The following CHMP4C variants were observed in gnomAD, a reference collection of about 807,000 sequenced individuals.
The protein encoded by CHMP4C is charged multivesicular body protein 4C.
Under a neutral mutation model 29.0 loss-of-function variants are expected in CHMP4C, and 28 were observed. The observed-to-expected ratio is 0.97, with a 90% CI of 0.72 to 1.32. CHMP4C has a LOEUF of 1.32. Ranked by LOEUF, CHMP4C falls within the 40% of genes most tolerant of loss-of-function variation. The probability of loss-of-function intolerance (pLI) is 0.00; values close to 1 mark genes in which losing one functional copy is unlikely to be tolerated. For missense variants in CHMP4C, 291 were observed against 281.0 expected, an observed-to-expected ratio of 1.04 and a Z score of -0.25; for synonymous variants, 106 against 102.4, an observed-to-expected ratio of 1.04 and a Z score of -0.21.
Position 81,749,852 on chromosome 8 carries a change from G to A in CHMP4C, c.191-3212G>A, listed in dbSNP as rs10113683. 3.3e-5 allele frequency among the ~76,000 whole-genome samples: 5 copies of A among 152,284 alleles called. No individual in the cohort carries two copies. The East Asian group carries it at 5.8e-4, about 18-fold the overall frequency. Reference sequence around the variant, plus strand: ...TGAGTTGGTCTCAGATGGAGATGAGGAACTTGTTGGATATTGGAGTAAAGG... The same window carrying A: ...TGAGTTGGTCTCAGATGGAGATGAGAAACTTGTTGGATATTGGAGTAAAGG... On this transcript the variant is annotated intron_variant, in intron 1 of 4. Coordinates refer to ENST00000297265, the MANE Select transcript of CHMP4C (RefSeq NM_152284.4).
intron 3 of CHMP4C, 108 bp downstream of exon 3, chr8:81,755,592 T>C: frequency 1.7e-6 from 1 of 584,974 alleles, no homozygotes; most frequent in South Asian, 2.7e-5. Context: ...AAGTGATATT[T>C]GTAAGAAAGG....
At chr8:81,748,611 T>A (rs1430718949) in intron 1 of CHMP4C, among the ~76,000 whole-genome samples, 1 of 152,060 alleles carries the variant, frequency 6.6e-6, no homozygotes, top group Non-Finnish European at 1.5e-5. Flanking sequence ...AACAAATAGG[T>A]AATTTGTTAT....
chr8:81,757,279 C>T (rs182408896), intron 3 of CHMP4C, among the ~76,000 whole-genome samples: 29 of 152,274 alleles, frequency 1.9e-4, no homozygotes, highest in Non-Finnish European at 4.4e-5. Flanking sequence ...TGAATTCTCT[C>T]ATTCGTTATT....
Position 81,732,733 on chromosome 8 carries a change from T to G in CHMP4C, c.107T>G (p.Leu36Arg). The G allele has an allele frequency of 1.2e-6, 2 of 1,607,332 alleles. No individual in the cohort carries two copies. The highest frequency in any genetic ancestry group is 1.7e-6 in the Non-Finnish European group (2 of 1,176,942). Residue 36 changes from leucine (L) to arginine (R), a missense_variant, in exon 1 of 5, where the codon CTG becomes CGG. Transcript: ENST00000297265. ...CGACTTCGGGAGACTGAGGAGATGC[T>G]GGGCAAGAAACAAGAGTACCTGGAA... The part of the protein sequence containing the change: ...LVRLRETEEM[L>R]GKKQEYLENR...
At position 81,750,841 on chromosome 8, in the gene CHMP4C, C is replaced by T. The variant is rs10089489; in HGVS notation, c.191-2223C>T. ...TGAGGGAAGATTTGAGCCTTCAGAC[C>T]GAAAATACTCACCGAATGCTCAGTT... On this transcript the variant is annotated intron_variant, in intron 1 of 4. Coordinates refer to ENST00000297265, the MANE Select transcript of CHMP4C (RefSeq NM_152284.4). Among the ~76,000 whole-genome samples the T allele has an allele frequency of 9.7e-3, 1,470 of 151,342 alleles. 23 individuals carry two copies. Among genetic ancestry groups the T allele is most frequent in the African/African-American group, 0.034 (1,388 of 41,274 alleles).
Position 81,732,467 on chromosome 8 carries a change from G to A in CHMP4C, c.-160G>A, listed in dbSNP as rs1036767280. The A allele has an allele frequency of 1.2e-5, 6 of 506,962 alleles. No individual in the cohort carries two copies. The highest frequency in any genetic ancestry group is 1.8e-5 in the Non-Finnish European group (5 of 285,546). The allele number at this position is 506,962 out of a possible 1,614,324, so 31.4% of individuals were successfully genotyped here. ...ACTGGCAGCCAGGAAATGCCCTGGA[G>A]TGTGTGTCACCTGTCCAGGACGACT... is the stretch of plus-strand genomic sequence containing the variant. On this transcript the variant is annotated 5_prime_UTR_variant, in exon 1 of 5. In the 5' UTR this introduces an upstream ATG that the reference lacks. Transcript: ENST00000297265.
chr8:81,732,659 C>A lies in CHMP4C; in HGVS notation c.33C>A (p.Gly11=), dbSNP rs1808632818. The A allele has an allele frequency of 1.3e-6, 2 of 1,562,652 alleles. No homozygotes were observed. Among genetic ancestry groups the A allele is most frequent in the Non-Finnish European group, 1.7e-6 (2 of 1,153,918 alleles). The part of the protein sequence containing the change: MSKLGKFFKG[G]GSSKSRAAPS... Reference sequence around the variant, plus strand: ...AGTTGGGCAAGTTCTTTAAAGGGGGCGGCTCTTCTAAGAGCCGAGCCGCTC... The same window carrying A: ...AGTTGGGCAAGTTCTTTAAAGGGGGAGGCTCTTCTAAGAGCCGAGCCGCTC... Residue 11 remains glycine, a synonymous_variant, in exon 1 of 5, where the codon GGC becomes GGA. Transcript: ENST00000297265.
At chr8:81,749,392 G>T (rs923752834) in intron 1 of CHMP4C, among the ~76,000 whole-genome samples, 2 of 152,158 alleles carry the variant, frequency 1.3e-5, no homozygotes, top group African/African-American at 4.8e-5. Context: ...CTCCATAAAT[G>T]TTAGTTTTTG....
chr8:81,750,203 C>T (rs1034824855), intron 1 of CHMP4C, among the ~76,000 whole-genome samples: 3 of 151,970 alleles, frequency 2.0e-5, no homozygotes, highest in Non-Finnish European at 4.4e-5. Flanking sequence ...AAGTTAGAAA[C>T]ATAATCTTTT....
rs551163670 is a variant in CHMP4C, at chr8:81,741,587, G to A, written c.190+8771G>A. 1.3e-3 allele frequency among the ~76,000 whole-genome samples: 197 copies of A among 152,198 alleles called. 1 individual carries two copies. Among genetic ancestry groups the A allele is most frequent in the African/African-American group, 4.6e-3 (189 of 41,516 alleles). On this transcript the variant is annotated intron_variant, in intron 1 of 4. Transcript: ENST00000297265. ...AATACTCAGTTAAAAAAATTATAAG[G>A]TTTGGCTTTGGGGGTCAGCTTTGGA... is the stretch of plus-strand genomic sequence containing the variant.
intron 1 of CHMP4C, 113 bp downstream of exon 1, chr8:81,732,929 C>T: frequency 1.0e-6 from 1 of 964,592 alleles, no homozygotes; most frequent in Non-Finnish European, 1.5e-6. Flanking sequence ...CTCCTGCAGT[C>T]TTTTCTAGGA....
In CHMP4C at chr8:81,753,156, G is replaced by A; in HGVS notation, c.283G>A (p.Ala95Thr). The A allele has an allele frequency of 6.2e-7, 1 of 1,612,354 alleles. No individual in the cohort carries two copies. The highest frequency in any genetic ancestry group is 1.3e-5 in the African/African-American group (1 of 74,964). ...TTCTACCATTGAGTTCCAGAGAGAA[G>A]CCCTGGAGAACTCACACACCAACAC... ...TLSTIEFQRE[A>T]LENSHTNTEV... Residue 95 changes from alanine (A) to threonine (T), a missense_variant, in exon 2 of 5, where the codon GCC becomes ACC. By Grantham distance (58) the Ala-to-Thr change is moderately conservative. Transcript: ENST00000297265.
At chr8:81,753,281 C>T (rs747969697) in intron 2 of CHMP4C, 40 bp downstream of exon 2, 6 of 1,509,376 alleles carry the variant, frequency 4.0e-6, no homozygotes, top group Non-Finnish European at 5.4e-6. Flanking sequence ...TAAATTCCCT[C>T]AGTGTTGGGA....
In CHMP4C at chr8:81,742,483, T is replaced by C. The variant is rs546861696; in HGVS notation, c.190+9667T>C. 2.0e-5 allele frequency among the ~76,000 whole-genome samples: 3 copies of C among 152,374 alleles called. No homozygotes were observed. In the East Asian group the frequency reaches 5.8e-4, roughly 29 times the overall value. ...TGTATGTTTAACCTAGATGGAAATT[T>C]AGAGGAGTAAAATTATGCAACTAAA... On this transcript the variant is annotated intron_variant, in intron 1 of 4. Coordinates refer to ENST00000297265, the MANE Select transcript of CHMP4C (RefSeq NM_152284.4).
chr8:81,753,159 C>A lies in CHMP4C; in HGVS notation c.286C>A (p.Leu96Met). The change falls in exon 2 of 5, where the codon CTG (leucine) becomes ATG (methionine). Residue 96 changes from leucine to methionine, a missense_variant. Transcript: ENST00000297265. The stretch of plus-strand genomic sequence containing the variant: ...TACCATTGAGTTCCAGAGAGAAGCC[C>A]TGGAGAACTCACACACCAACACTGA... ...LSTIEFQREALENSHTNTEVL... is the reference protein window; with the variant it reads ...LSTIEFQREAMENSHTNTEVL... The A allele has an allele frequency of 1.2e-6, 2 of 1,612,654 alleles. No individual in the cohort carries two copies. The highest frequency in any genetic ancestry group is 1.7e-6 in the Non-Finnish European group (2 of 1,179,140).
chr8:81,752,585 T>A (rs1467150930), intron 1 of CHMP4C, among the ~76,000 whole-genome samples: 1 of 152,134 alleles, frequency 6.6e-6, no homozygotes, highest in Non-Finnish European at 1.5e-5. Context: ...TATTCTGAGT[T>A]CTTATTGCAG....
chr8:81,734,381 A>T (rs55882328), intron 1 of CHMP4C, among the ~76,000 whole-genome samples: 1 of 152,104 alleles, frequency 6.6e-6, no homozygotes, highest in Non-Finnish European at 1.5e-5. Flanking sequence ...CCCAGGCTGG[A>T]GTGCAATGGC....
intron 1 of CHMP4C, among the ~76,000 whole-genome samples, chr8:81,734,471 CAGG>C (rs1808660073): frequency 7.2e-6 from 1 of 139,264 alleles, no homozygotes; most frequent in Non-Finnish European, 1.6e-5. Flanking sequence ...GCTGGGATTA[CAGG>C]CATGTGCCAC....
At chr8:81,755,210 T>A (rs558064006) in intron 2 of CHMP4C, among the ~76,000 whole-genome samples, 160 bp from the exon 3 acceptor site, 10 of 152,286 alleles carry the variant, frequency 6.6e-5, no homozygotes, top group Non-Finnish European at 1.5e-4. Context: ...TTTTAAAATA[T>A]AAGTTATCTT....
Sources: gnomAD v4.1 joint callset for allele counts (sites outside exome capture counted in the v4.1 genomes callset) on GRCh38, gnomAD v4.1.1 for gene constraint, MANE v1.5 for transcripts, NCBI Gene and HGNC (gene_info 2026-07-23, HGNC 2026-07-21) for gene names.